Variants in MKLN1 observed in about 807,000 individuals in gnomAD.
The protein encoded by MKLN1 is muskelin.
In MKLN1, 18 loss-of-function variants were observed where a neutral mutation model predicts 99.0. The ratio of observed to expected loss-of-function variants is 0.18; its 90% CI spans 0.13 to 0.27. The LOEUF (loss-of-function observed/expected upper bound fraction) is 0.27. MKLN1 is among the 10% of genes least tolerant of loss of function. The pLI is 1.00. For missense variants in MKLN1, 621 were observed against 875.9 expected, an observed-to-expected ratio of 0.71 and a Z score of 3.67; for synonymous variants, 288 against 293.2, an observed-to-expected ratio of 0.98 and a Z score of 0.18.
rs779736057 is a variant in MKLN1 at position 131,388,957 on chromosome 7, C to A, written c.385C>A (p.Arg129=). The A allele has an allele frequency of 6.2e-7, 1 of 1,601,780 alleles. No individual in the cohort carries two copies. The highest frequency in any genetic ancestry group is 1.1e-5 in the South Asian group (1 of 89,566). The change falls in exon 4 of 18, where the codon CGA becomes AGA. Residue 129 remains arginine, a synonymous_variant. Transcript: ENST00000352689. ...AATTGATGAACAGATGTTCCCTTGT[C>A]GATTCATTAAAATAGGTAAGATTTT... is the stretch of plus-strand genomic sequence containing the variant. ...HKIDEQMFPC[R]FIKIVPLLSW...
chr7:131,203,390 A>G (rs1225338654), intron 3 of MKLN1, among the ~76,000 whole-genome samples: 2 of 152,150 alleles, frequency 1.3e-5, no homozygotes, highest in Non-Finnish European at 2.9e-5. Context: ...TTGCCAGAGG[A>G]TTTTAAGGGA....
chr7:131,327,783 G>C (rs1449339194), upstream of MKLN1: 5 of 1,444,110 alleles, frequency 3.5e-6, no homozygotes, highest in African/African-American at 1.5e-5. Context: ...TAACGATGCG[G>C]GGCGGGGAGC....
chr7:131,420,545 A>G (rs1466052216), intron 8 of MKLN1, among the ~76,000 whole-genome samples: 1 of 152,342 alleles, frequency 6.6e-6, no homozygotes, highest in East Asian at 1.9e-4. Context: ...CTGAGATGCC[A>G]ATTAGACATC....
At chr7:131,132,690 G>T (rs1032351092) in intron 1 of MKLN1, among the ~76,000 whole-genome samples, 5 of 152,082 alleles carry the variant, frequency 3.3e-5, no homozygotes, top group African/African-American at 1.2e-4. Context: ...TTGGGAGGCC[G>T]AGGCCGGTGG....
At chr7:131,141,514 A>G (rs544563309) in intron 1 of MKLN1, among the ~76,000 whole-genome samples, 1 of 152,284 alleles carries the variant, frequency 6.6e-6, no homozygotes, top group African/African-American at 2.4e-5. Flanking sequence ...TTTCTCCATA[A>G]TTTGGTGCTG....
intron 2 of MKLN1, among the ~76,000 whole-genome samples, chr7:131,177,072 C>T (rs1162569421): frequency 6.6e-6 from 1 of 152,204 alleles, no homozygotes; most frequent in East Asian, 1.9e-4. Context: ...GGTCATTTTG[C>T]CAGCAAGCTG....
intron 2 of MKLN1, among the ~76,000 whole-genome samples, chr7:131,183,671 G>T (rs78480715): frequency 6.6e-6 from 1 of 152,148 alleles, no homozygotes; most frequent in Non-Finnish European, 1.5e-5. Context: ...TGTATGTGCA[G>T]GTGCCTGAGA....
chr7:131,296,237 G>C (rs1373543119), intron 3 of MKLN1, among the ~76,000 whole-genome samples: 1 of 152,148 alleles, frequency 6.6e-6, no homozygotes, highest in Admixed American at 6.5e-5. Context: ...AATAGTGTAA[G>C]TAGAAATGAT....
intron 3 of MKLN1, among the ~76,000 whole-genome samples, chr7:131,313,179 C>T (rs1798600412): frequency 6.6e-6 from 1 of 152,086 alleles, no homozygotes; most frequent in Non-Finnish European, 1.5e-5. Context: ...TAAAAACTAT[C>T]TTAATTTAAA....
intron 3 of MKLN1, among the ~76,000 whole-genome samples, chr7:131,206,747 G>T (rs1796818012): frequency 6.6e-6 from 1 of 151,778 alleles, no homozygotes; most frequent in Non-Finnish European, 1.5e-5. Context: ...TTAGAGATGG[G>T]GTCTTGCTAT....
rs1181806675 is a variant in MKLN1, at chr7:131,478,618, A to T, written c.2032-5A>T. 1 of 1,140,130 alleles carries T rather than the reference A, an allele frequency of 8.8e-7. No homozygotes were observed. The allele number at this position is 1,140,130 out of a possible 1,614,324, so 70.6% of individuals were successfully genotyped here. ...TTCTTTTTTTTTTTTTTTTTTTTTA[A>T]ACAGTTTCAGCTCCTGGCATCAGCT... On this transcript the variant is annotated splice_polypyrimidine_tract_variant and splice_region_variant and intron_variant, in intron 16 of 17. Coordinates refer to ENST00000352689, the MANE Select transcript of MKLN1 (RefSeq NM_013255.5).
intron 3 of MKLN1, among the ~76,000 whole-genome samples, chr7:131,214,131 AC>A (rs1197040505): frequency 1.3e-5 from 2 of 152,008 alleles, no homozygotes; most frequent in African/African-American, 4.8e-5. Context: ...AATTATTTCC[AC>A]CCGCCTCAGC....
rs111336438 is a variant in MKLN1 at position 131,454,383 on chromosome 7, C to T, written c.1525+8480C>T. ...AGTAAATATTGTTGAGTGTCAAAAG[C>T]TAGTTGCAAATTTACAAAAAATAAA... is the stretch of plus-strand genomic sequence containing the variant. On this transcript the variant is annotated intron_variant, in intron 12 of 17. Coordinates refer to ENST00000352689, the MANE Select transcript of MKLN1 (RefSeq NM_013255.5). 5.5e-3 allele frequency among the ~76,000 whole-genome samples: 842 copies of T among 152,174 alleles called. 10 individuals carry two copies. The highest frequency in any genetic ancestry group is 0.019 in the African/African-American group (806 of 41,524).
intron 1 of MKLN1, 101 bp from the exon 2 acceptor site, chr7:131,375,323 C>T: frequency 1.4e-6 from 1 of 726,318 alleles, no homozygotes. Flanking sequence ...ATTCAAGTTC[C>T]AAACATTACA....
At chr7:131,311,238 A>G (rs1798558743) in intron 3 of MKLN1, 1 of 152,178 alleles carries the variant, frequency 6.6e-6, no homozygotes, top group Non-Finnish European at 1.5e-5. Context: ...AAGAAAAAGC[A>G]AATTTTGAAT....
chr7:131,322,168 T>C (rs2116664052), intron 3 of MKLN1, among the ~76,000 whole-genome samples: 2 of 152,282 alleles, frequency 1.3e-5, no homozygotes, highest in Admixed American at 1.3e-4. Context: ...TTTTTGTTTG[T>C]GTGTTTGTTT....
At chr7:131,328,148 A>G in intron 1 of MKLN1, 151 bp downstream of exon 1, 1 of 970,310 alleles carries the variant, frequency 1.0e-6, no homozygotes, top group Non-Finnish European at 1.5e-6. Flanking sequence ...TCAGCTGCTG[A>G]GAGCGTTGCT....
intron 3 of MKLN1, among the ~76,000 whole-genome samples, chr7:131,313,145 T>G (rs1165394605): frequency 6.6e-6 from 1 of 152,236 alleles, no homozygotes; most frequent in Non-Finnish European, 1.5e-5. Context: ...TTGAAGACGT[T>G]TCTATTTTAC....
In MKLN1 at chr7:131,416,752, G is replaced by C. The variant is rs111474420; in HGVS notation, c.847+2042G>C. 3.6e-3 allele frequency among the ~76,000 whole-genome samples: 539 copies of C among 151,730 alleles called. 2 individuals are homozygous for C. Among genetic ancestry groups the C allele is most frequent in the African/African-American group, 0.012 (512 of 41,418 alleles). ...GTTGCAACACTTTGGGAAGCCAAAGGGGGAGGATCCCTTGATCCCACAAGT... is the reference window on the plus strand; with the variant it reads ...GTTGCAACACTTTGGGAAGCCAAAGCGGGAGGATCCCTTGATCCCACAAGT... On this transcript the variant is annotated intron_variant, in intron 8 of 17. Transcript: ENST00000352689.
Sources: gnomAD v4.1 joint callset for allele counts (sites outside exome capture counted in the v4.1 genomes callset) on GRCh38, gnomAD v4.1.1 for gene constraint, MANE v1.5 for transcripts, NCBI Gene and HGNC (gene_info 2026-07-23, HGNC 2026-07-21) for gene names.